PALD1: variants seen among roughly 807,000 people sequenced by gnomAD.
PALD1 encodes paladin.
A neutral mutation model predicts 96.0 loss-of-function variants in PALD1; 57 were observed. The ratio of observed to expected loss-of-function variants is 0.59; its 90% CI spans 0.48 to 0.74. The LOEUF is 0.74. PALD1 is among the 30% of genes least tolerant of loss of function. The pLI is 0.00. For missense variants in PALD1, 1,063 were observed against 1,143.7 expected (o/e 0.93, Z 1.02); for synonymous variants, 464 against 473.6 (o/e 0.98, Z 0.26).
chr10:70,496,011 A>AAACAACAACAACAACAACAAC (rs138584752), intron 1 of PALD1, among the ~76,000 whole-genome samples: 3 of 151,046 alleles, frequency 2.0e-5, no homozygotes, highest in African/African-American at 7.3e-5. Context: ...ACTCTATCTC[A>AAACAACAACAACAACAACAAC]AACAACAACA....
At chr10:70,461,480 G>A in the PALD1 span, among the ~76,000 whole-genome samples, 1 of 152,258 alleles carries the variant, frequency 6.6e-6, no homozygotes, top group African/African-American at 2.4e-5. Flanking sequence ...GCCTAGCACA[G>A]TGCCAGGCAC....
In PALD1 at chr10:70,564,308, G is replaced by C. The variant is rs1162909361; in HGVS notation, c.2263-56G>C. The C allele has an allele frequency of 4.5e-6, 7 of 1,539,320 alleles. No individual in the cohort carries two copies. The Admixed American group carries it at 1.1e-4, about 25-fold the overall frequency. On this transcript the variant is annotated intron_variant, in intron 18 of 19. Coordinates refer to ENST00000263563, the MANE Select transcript of PALD1 (RefSeq NM_014431.3). ...CTCAGGGCAGCAGGGTGGCATGTTT[G>C]TGTGTTGGGGGACACGGATCCCCCC...
chr10:70,566,150 G>A (rs550571173), intron 19 of PALD1, among the ~76,000 whole-genome samples: 12 of 152,284 alleles, frequency 7.9e-5, no homozygotes, highest in African/African-American at 2.4e-4. Context: ...GCTGCTGGGC[G>A]GCAGGGCTGA....
intron 1 of PALD1, among the ~76,000 whole-genome samples, chr10:70,499,991 C>T (rs1281438960): frequency 6.6e-6 from 1 of 152,196 alleles, no homozygotes; most frequent in Non-Finnish European, 1.5e-5. Context: ...GGGGTTTTCT[C>T]AGTTAGTCCT....
intron 1 of PALD1, among the ~76,000 whole-genome samples, chr10:70,499,267 T>G (rs1306206191): frequency 1.3e-5 from 2 of 152,216 alleles, no homozygotes; most frequent in Admixed American, 1.3e-4. Context: ...AATACCAGGC[T>G]TAGAGTTATT....
At chr10:70,524,931 C>T (rs1312984547) in intron 1 of PALD1, among the ~76,000 whole-genome samples, 1 of 152,174 alleles carries the variant, frequency 6.6e-6, no homozygotes, top group Admixed American at 6.5e-5. Flanking sequence ...GCCGAATCCC[C>T]GAGGGTGCCC....
Position 70,490,727 on chromosome 10 carries a change from C to T in PALD1, c.-30+11668C>T, listed in dbSNP as rs563349085. Among the ~76,000 whole-genome samples, 7 of 152,300 alleles carry T rather than the reference C, an allele frequency of 4.6e-5. No individual in the cohort carries two copies. The East Asian group carries it at 7.7e-4, about 17-fold the overall frequency. ...TGCCCTTGGGCCTCTCCTGTGTTCC[C>T]TGCCTCTGTTTCTTGGGCCTGTTGT... On this transcript the variant is annotated intron_variant, in intron 1 of 19. Coordinates refer to ENST00000263563, the MANE Select transcript of PALD1 (RefSeq NM_014431.3).
rs1846889058 is a variant in PALD1 at position 70,527,334 on chromosome 10, C to G, written c.185+1198C>G. ...ACAGGGCTGTGCTTAGGGCCTGGAG[C>G]CAGCCATGAGCACAGCACTTTTTGG... On this transcript the variant is annotated intron_variant, in intron 2 of 19. Transcript: ENST00000263563. Among the ~76,000 whole-genome samples the G allele has an allele frequency of 2.0e-5, 3 of 152,180 alleles. No individual in the cohort carries two copies. In the South Asian group the frequency reaches 6.2e-4, roughly 32 times the overall value.
At chr10:70,489,363 C>G (rs551642695) in intron 1 of PALD1, among the ~76,000 whole-genome samples, 22 of 152,086 alleles carry the variant, frequency 1.4e-4, no homozygotes, top group Non-Finnish European at 3.2e-4. Context: ...CCATCCCCTG[C>G]ATCCTAAAGT....
intron 1 of PALD1, among the ~76,000 whole-genome samples, chr10:70,493,211 C>G (rs939492318): frequency 4.6e-5 from 7 of 152,210 alleles, no homozygotes; most frequent in African/African-American, 1.7e-4. Flanking sequence ...CCTTGAACTC[C>G]TGGGCTCAAG....
chr10:70,512,755 G>A (rs1846537662), intron 1 of PALD1, among the ~76,000 whole-genome samples: 1 of 152,268 alleles, frequency 6.6e-6, no homozygotes, highest in Admixed American at 6.5e-5. Context: ...CTGTCTCCTT[G>A]TAGCCCACAA....
At chr10:70,507,112 T>A (rs868777556) in intron 1 of PALD1, among the ~76,000 whole-genome samples, 17 of 152,124 alleles carry the variant, frequency 1.1e-4, no homozygotes, top group South Asian at 6.2e-4. Flanking sequence ...TTAAAAAAAA[T>A]TTTTTTAGGA....
At chr10:70,543,772 C>T (rs184442122) in intron 17 of PALD1, among the ~76,000 whole-genome samples, 46 of 152,268 alleles carry the variant, frequency 3.0e-4, no homozygotes, top group Middle Eastern at 6.8e-3. Flanking sequence ...TCTCCTTCTT[C>T]ACACCAGGCC....
chr10:70,561,263 A>G (rs1015382634), intron 18 of PALD1, among the ~76,000 whole-genome samples: 1 of 152,244 alleles, frequency 6.6e-6, no homozygotes, highest in Non-Finnish European at 1.5e-5. Context: ...GCCAGAGCTG[A>G]GGGCGTTTCA....
chr10:70,547,053 G>T (rs1847380851), intron 17 of PALD1, among the ~76,000 whole-genome samples: 1 of 152,188 alleles, frequency 6.6e-6, no homozygotes, highest in Admixed American at 6.5e-5. Context: ...CAATGTCTGT[G>T]TACTGATCCT....
chr10:70,468,704 G>GAC, the PALD1 span, among the ~76,000 whole-genome samples: 3 of 66,540 alleles, frequency 4.5e-5, no homozygotes, highest in Non-Finnish European at 8.4e-5. Context: ...AGGCAGGACT[G>GAC]TGTGTGTGTG....
the PALD1 span, among the ~76,000 whole-genome samples, chr10:70,473,366 T>C: frequency 6.6e-6 from 1 of 152,190 alleles, no homozygotes; most frequent in African/African-American, 2.4e-5. Context: ...AGGCACATAG[T>C]GGGCACTTAA....
chr10:70,515,958 T>G (rs1846612034), intron 1 of PALD1, among the ~76,000 whole-genome samples: 1 of 152,130 alleles, frequency 6.6e-6, no homozygotes, highest in Non-Finnish European at 1.5e-5. Context: ...ACACCAACTT[T>G]CTGGGGCTTT....
At chr10:70,559,013 T>C (rs1847675983) in intron 18 of PALD1, among the ~76,000 whole-genome samples, 1 of 152,262 alleles carries the variant, frequency 6.6e-6, no homozygotes, top group East Asian at 1.9e-4. Flanking sequence ...TTGTGTCATT[T>C]GCGTAGGAGG....
Sources: gnomAD v4.1 joint callset for allele counts (sites outside exome capture counted in the v4.1 genomes callset) on GRCh38, gnomAD v4.1.1 for gene constraint, MANE v1.5 for transcripts, NCBI Gene and HGNC (gene_info 2026-07-23, HGNC 2026-07-21) for gene names.